NAALADL2: variants seen among roughly 807,000 people sequenced by gnomAD.
The protein encoded by NAALADL2 is N-acetylated alpha-linked acidic dipeptidase like 2.
NAALADL2 carries 76 observed loss-of-function variants against 87.2 expected under a neutral mutation model. The observed-to-expected ratio is 0.87, with a 90% CI of 0.72 to 1.05. NAALADL2 has a LOEUF of 1.05. NAALADL2 is among the 50% of genes least tolerant of loss of function. The probability of loss-of-function intolerance (pLI) is 0.00; values close to 1 mark genes in which losing one functional copy is unlikely to be tolerated. For synonymous variants in NAALADL2, 354 were observed against 331.0 expected, an observed-to-expected ratio of 1.07 and a Z score of -0.75; for missense variants, 1,089 against 945.8, an observed-to-expected ratio of 1.15 and a Z score of -1.99.
chr3:175,755,001 T>C (rs1747073172), intron 12 of NAALADL2, among the ~76,000 whole-genome samples: 1 of 152,204 alleles, frequency 6.6e-6, no homozygotes, highest in African/African-American at 2.4e-5. Context: ...AAAGTTTACT[T>C]GATGCTGAAT....
chr3:174,706,027 A>C (rs1199694357), intron 2 of NAALADL2, among the ~76,000 whole-genome samples: 1 of 152,186 alleles, frequency 6.6e-6, no homozygotes, highest in Non-Finnish European at 1.5e-5. Flanking sequence ...TACGTGATCA[A>C]CAAATAAATT....
At chr3:175,559,564 T>A (rs1445246134) in intron 9 of NAALADL2, among the ~76,000 whole-genome samples, 2 of 152,224 alleles carry the variant, frequency 1.3e-5, no homozygotes, top group Non-Finnish European at 2.9e-5. Flanking sequence ...CAGTATGATA[T>A]TATCTATGAG....
intron 2 of NAALADL2, among the ~76,000 whole-genome samples, chr3:175,199,864 ATTTTTTTTTTTTT>A (rs869050569): frequency 8.6e-3 from 112 of 13,004 alleles, no homozygotes; most frequent in South Asian, 0.029. Flanking sequence ...ATATATATAT[ATTTTTTTTTTTTT>A]TTTTTTTTTT....
intron 3 of NAALADL2, among the ~76,000 whole-genome samples, chr3:174,799,698 A>T (rs1392819049): frequency 6.6e-6 from 1 of 152,202 alleles, no homozygotes; most frequent in Non-Finnish European, 1.5e-5. Flanking sequence ...AAAATGTGGA[A>T]GTGACTTTCA....
chr3:174,844,837 T>TTTTTTTG (rs1306483623), intron 3 of NAALADL2, among the ~76,000 whole-genome samples: 1 of 104,894 alleles, frequency 9.5e-6, no homozygotes, highest in African/African-American at 4.5e-5. Flanking sequence ...TTCTAATGGT[T>TTTTTTTG]TTTTTTTTTT....
chr3:174,710,042 A>T (rs1389161185), intron 2 of NAALADL2, among the ~76,000 whole-genome samples: 1 of 152,166 alleles, frequency 6.6e-6, no homozygotes, highest in Non-Finnish European at 1.5e-5. Flanking sequence ...CTTATATGGT[A>T]GGCAGAATTC....
intron 2 of NAALADL2, among the ~76,000 whole-genome samples, chr3:174,676,404 G>A (rs1308746343): frequency 8.4e-6 from 1 of 119,680 alleles, no homozygotes; most frequent in Non-Finnish European, 2.1e-5. Flanking sequence ...AGTATTCTAT[G>A]TGAGCTTTAT....
chr3:175,026,167 T>C (rs1404466992), intron 1 of NAALADL2, among the ~76,000 whole-genome samples: 1 of 152,072 alleles, frequency 6.6e-6, no homozygotes, highest in Non-Finnish European at 1.5e-5. Flanking sequence ...AATCCTTCTG[T>C]ACTAAAGAAG....
At chr3:175,768,946 A>G (rs1749113904) in intron 13 of NAALADL2, among the ~76,000 whole-genome samples, 1 of 152,142 alleles carries the variant, frequency 6.6e-6, no homozygotes, top group South Asian at 2.1e-4. Context: ...CATATTGTGA[A>G]CCAAAAGAGA....
chr3:174,815,837 T>G (rs1295169554), intron 3 of NAALADL2, among the ~76,000 whole-genome samples: 3 of 131,106 alleles, frequency 2.3e-5, no homozygotes, highest in Admixed American at 1.4e-4. Flanking sequence ...TTAGTTTTTT[T>G]TTTTTTTTTT....
intron 4 of NAALADL2, among the ~76,000 whole-genome samples, chr3:175,310,345 A>G (rs1013339766): frequency 6.6e-6 from 1 of 151,968 alleles, no homozygotes; most frequent in East Asian, 1.9e-4. Context: ...TTTCTTTTAT[A>G]TATAAGAAAA....
intron 2 of NAALADL2, among the ~76,000 whole-genome samples, chr3:175,136,242 G>C (rs909579045): frequency 2.6e-5 from 4 of 152,156 alleles, no homozygotes; most frequent in Admixed American, 2.0e-4. Context: ...AGCTGAGACA[G>C]GACATAAGTC....
chr3:174,558,128 A>G (rs1365165149), intron 2 of NAALADL2, among the ~76,000 whole-genome samples: 1 of 152,162 alleles, frequency 6.6e-6, no homozygotes, highest in African/African-American at 2.4e-5. Context: ...TTCAAGTTCT[A>G]AGAATAATGG....
intron 1 of NAALADL2, among the ~76,000 whole-genome samples, chr3:174,995,567 A>C (rs1384690917): frequency 6.6e-6 from 1 of 152,160 alleles, no homozygotes; most frequent in African/African-American, 2.4e-5. Flanking sequence ...CTTTCATCAC[A>C]TAATTTTCTG....
At chr3:174,555,352 T>C (rs1712643435) in intron 2 of NAALADL2, among the ~76,000 whole-genome samples, 1 of 152,090 alleles carries the variant, frequency 6.6e-6, no homozygotes, top group South Asian at 2.1e-4. Flanking sequence ...CAGCCTGGAG[T>C]GCAATGGCGC....
intron 1 of NAALADL2, among the ~76,000 whole-genome samples, chr3:175,006,553 A>G (rs868854546): frequency 3.9e-5 from 6 of 152,060 alleles, no homozygotes; most frequent in African/African-American, 1.2e-4. Context: ...AAATGCAGTT[A>G]TAGCTGGTGC....
At chr3:174,446,172 A>G (rs1027080986) in intron 1 of NAALADL2, among the ~76,000 whole-genome samples, 1 of 152,140 alleles carries the variant, frequency 6.6e-6, no homozygotes, top group Non-Finnish European at 1.5e-5. Context: ...CTTTCATCAT[A>G]TTGGGAATTT....
chr3:174,500,923 C>T (rs951772466), intron 1 of NAALADL2, among the ~76,000 whole-genome samples: 1 of 150,572 alleles, frequency 6.6e-6, no homozygotes, highest in Admixed American at 6.6e-5. Context: ...GTGGCAAAGT[C>T]TCAGCTCACT....
chr3:174,653,859 G>A lies in NAALADL2; in HGVS notation c.-114-83782G>A, dbSNP rs1724629213. Among the ~76,000 whole-genome samples, 2 of 152,224 alleles carry A rather than the reference G, an allele frequency of 1.3e-5. 1 individual carries two copies. The highest frequency in any genetic ancestry group is 1.3e-4 in the Admixed American group (2 of 15,278). ...TTTTAAGGCCTACGCATAAGGTCAT[G>A]TTATTCTTCTTTCCAAGTTTTTCTC... On this transcript the variant is annotated intron_variant, in intron 2 of 3. Coordinates refer to the NAALADL2 transcript ENST00000434257.
Sources: gnomAD v4.1 joint callset for allele counts (sites outside exome capture counted in the v4.1 genomes callset) on GRCh38, gnomAD v4.1.1 for gene constraint, MANE v1.5 for transcripts, NCBI Gene and HGNC (gene_info 2026-07-23, HGNC 2026-07-21) for gene names.